The following LRP1B variants were observed in gnomAD, a reference collection of about 807,000 sequenced individuals.
The protein encoded by LRP1B is low-density lipoprotein receptor-related protein 1B.
LRP1B carries 217 observed loss-of-function variants against 556.6 expected under a neutral mutation model. The observed-to-expected ratio is 0.39, with a 90% confidence interval of 0.35 to 0.44. The LOEUF (loss-of-function observed/expected upper bound fraction) is 0.44. Among genes scored for constraint, LRP1B ranks in the 20% least tolerant of loss-of-function variants. The pLI is 1.00. For synonymous variants in LRP1B, 2,047 were observed against 1,865.8 expected (o/e 1.10, Z -2.50); for missense variants, 5,053 against 5,620.8 (o/e 0.90, Z 3.23).
chr2:140,865,285 G>A (rs574919706), intron 27 of LRP1B, among the ~76,000 whole-genome samples: 117 of 152,038 alleles, frequency 7.7e-4, no homozygotes, highest in African/African-American at 2.7e-3. Context: ...TTAGATAATG[G>A]CAAATAGTAT....
intron 1 of LRP1B, among the ~76,000 whole-genome samples, chr2:141,900,464 A>T (rs1699584781): frequency 6.6e-6 from 1 of 152,002 alleles, no homozygotes; most frequent in Non-Finnish European, 1.5e-5. Flanking sequence ...CCCCTTAAAT[A>T]CCTGTAATAA....
At chr2:141,054,364 G>A (rs1171556857) in intron 10 of LRP1B, among the ~76,000 whole-genome samples, 4 of 151,876 alleles carry the variant, frequency 2.6e-5, no homozygotes. Context: ...AAGACCAACA[G>A]TCCCCACTAG....
At chr2:141,523,538 A>T (rs930405828) in intron 2 of LRP1B, among the ~76,000 whole-genome samples, 8 of 152,164 alleles carry the variant, frequency 5.3e-5, no homozygotes, top group African/African-American at 1.9e-4. Flanking sequence ...TAACAATAAA[A>T]ATGTGTATGG....
At chr2:142,074,868 C>T (rs1298109935) in intron 1 of LRP1B, among the ~76,000 whole-genome samples, 1 of 152,068 alleles carries the variant, frequency 6.6e-6, no homozygotes, top group African/African-American at 2.4e-5. Flanking sequence ...TGGAAATGAC[C>T]TTCTTCATCT....
At chr2:140,497,359 C>T (rs568566503) in intron 55 of LRP1B, among the ~76,000 whole-genome samples, 223 of 151,986 alleles carry the variant, frequency 1.5e-3, no homozygotes, top group African/African-American at 5.2e-3. Context: ...ATATTACTTT[C>T]CTTGAGAAGA....
intron 2 of LRP1B, among the ~76,000 whole-genome samples, chr2:141,723,706 T>A (rs1692926335): frequency 6.6e-6 from 1 of 151,952 alleles, no homozygotes; most frequent in Non-Finnish European, 1.5e-5. Context: ...GAGATATTGA[T>A]AAAAATTGAT....
At chr2:141,095,642 TA>T (rs1375017490) in intron 7 of LRP1B, among the ~76,000 whole-genome samples, 4 of 152,058 alleles carry the variant, frequency 2.6e-5, no homozygotes, top group African/African-American at 9.7e-5. Context: ...TTATTATTAT[TA>T]TTTTTTTATA....
At chr2:140,958,550 C>A (rs1384383978) in intron 18 of LRP1B, among the ~76,000 whole-genome samples, 2 of 151,470 alleles carry the variant, frequency 1.3e-5, no homozygotes, top group Non-Finnish European at 3.0e-5. Context: ...TCATGAAGGA[C>A]AGAATCTAAC....
chr2:141,253,863 T>C lies in LRP1B; in HGVS notation c.463+659A>G, dbSNP rs187673280. On this transcript the variant is annotated intron_variant, in intron 4 of 90. Coordinates refer to ENST00000389484, the MANE Select transcript of LRP1B (RefSeq NM_018557.3). Reference sequence around the variant, plus strand: ...AGATTAGAAATATTATATGTAGATATAGATAGATTCTAAGTATCATACAAA... The same window carrying C: ...AGATTAGAAATATTATATGTAGATACAGATAGATTCTAAGTATCATACAAA... 7.3e-3 allele frequency among the ~76,000 whole-genome samples: 1,108 copies of C among 151,928 alleles called. 6 individuals are homozygous for C. The highest frequency in any genetic ancestry group is 0.02 in the Middle Eastern group (6 of 294).
intron 17 of LRP1B, among the ~76,000 whole-genome samples, chr2:140,986,176 T>A (rs541517513): frequency 1.3e-5 from 2 of 152,148 alleles, no homozygotes; most frequent in African/African-American, 4.8e-5. Context: ...TCATTTTTGT[T>A]GATATTTGAG....
intron 2 of LRP1B, among the ~76,000 whole-genome samples, chr2:141,577,295 G>A (rs1298584410): frequency 6.6e-6 from 1 of 151,670 alleles, no homozygotes; most frequent in African/African-American, 2.4e-5. Context: ...ATGATTTGGG[G>A]GATTATCACC....
intron 2 of LRP1B, among the ~76,000 whole-genome samples, chr2:141,547,659 A>C (rs1040452562): frequency 1.2e-4 from 19 of 152,106 alleles, no homozygotes; most frequent in Non-Finnish European, 4.4e-5. Flanking sequence ...GCTTTGGTTC[A>C]TGTGTCCCGT....
At chr2:141,203,797 C>T (rs1682147870) in intron 6 of LRP1B, among the ~76,000 whole-genome samples, 1 of 152,158 alleles carries the variant, frequency 6.6e-6, no homozygotes, top group Non-Finnish European at 1.5e-5. Context: ...CACTCCTCAG[C>T]AAATGCAAAA....
chr2:140,808,352 T>TA (rs5834778), intron 32 of LRP1B, among the ~76,000 whole-genome samples: 20,432 of 152,060 alleles, frequency 0.13, 2,198 homozygotes, highest in African/African-American at 0.3. Context: ...TATATTTTTT[T>TA]AAAAAACAAA....
intron 1 of LRP1B, among the ~76,000 whole-genome samples, chr2:142,129,620 CT>C (rs1707779288): frequency 9.2e-6 from 1 of 108,630 alleles, no homozygotes; most frequent in Admixed American, 9.0e-5. Flanking sequence ...CTCTCTCTCT[CT>C]CTCTCTCTCT....
chr2:140,922,886 G>T (rs1169604429), intron 21 of LRP1B, 79 bp downstream of exon 21: 18 of 1,210,282 alleles, frequency 1.5e-5, no homozygotes, highest in Non-Finnish European at 2.1e-5. Context: ...TTACAAAGGT[G>T]AGATACAGAT....
intron 86 of LRP1B, among the ~76,000 whole-genome samples, chr2:140,257,111 G>C (rs1453429078): frequency 6.6e-6 from 1 of 152,040 alleles, no homozygotes; most frequent in Non-Finnish European, 1.5e-5. Context: ...AAGCATATGA[G>C]TCTAATTCTT....
chr2:140,945,920 C>T (rs958117270), intron 20 of LRP1B, among the ~76,000 whole-genome samples: 2 of 152,122 alleles, frequency 1.3e-5, no homozygotes, highest in African/African-American at 4.8e-5. Context: ...AGTAAACAGA[C>T]AACCTGCAGA....
At chr2:141,747,023 G>A (rs1693941660) in intron 2 of LRP1B, among the ~76,000 whole-genome samples, 1 of 152,114 alleles carries the variant, frequency 6.6e-6, no homozygotes, top group South Asian at 2.1e-4. Context: ...ATTTGTAAAA[G>A]TCTATCCCAA....
Sources: allele counts gnomAD v4.1 joint callset (sites outside exome capture counted in the v4.1 genomes callset), GRCh38; gene constraint gnomAD v4.1.1; transcripts MANE v1.5; gene names NCBI Gene and HGNC (gene_info 2026-07-23, HGNC 2026-07-21).